Variants in GRM8 observed in about 807,000 individuals in gnomAD.
GRM8 encodes the protein metabotropic glutamate receptor 8.
GRM8 carries 47 observed loss-of-function variants against 87.2 expected under a neutral mutation model. The observed-to-expected ratio is 0.54, with a 90% CI of 0.43 to 0.69. GRM8 has a LOEUF of 0.69. Among genes scored for constraint, GRM8 ranks in the 30% least tolerant of loss-of-function variants. The probability of loss-of-function intolerance (pLI) is 0.00; values close to 1 mark genes in which losing one functional copy is unlikely to be tolerated. For synonymous variants in GRM8, 396 were observed against 404.5 expected, an observed-to-expected ratio of 0.98 and a Z score of 0.25; for missense variants, 1,019 against 1,139.2, an observed-to-expected ratio of 0.89 and a Z score of 1.52.
intron 3 of GRM8, among the ~76,000 whole-genome samples, chr7:127,069,811 C>A (rs1035973214): frequency 6.6e-6 from 1 of 152,186 alleles, no homozygotes; most frequent in Non-Finnish European, 1.5e-5. Context: ...AGTTTTGTAA[C>A]CTCTCTGAGA....
At position 126,883,964 on chromosome 7, in the gene GRM8, TAGAC is replaced by T. The variant is rs201003808; in HGVS notation, c.1156+18574_1156+18577del. 5.9e-3 allele frequency among the ~76,000 whole-genome samples: 904 copies of T among 152,232 alleles called. 8 individuals are homozygous for T. Among genetic ancestry groups the T allele is most frequent in the African/African-American group, 0.021 (864 of 41,540 alleles). ...TGTGTATTCATGAAAGAAATAAAATTAGACAGGAGACAAAACAGATAATTTAGCA... is the reference window on the plus strand; with the variant it reads ...TGTGTATTCATGAAAGAAATAAAATTAGGAGACAAAACAGATAATTTAGCA... On this transcript the variant is annotated intron_variant, in intron 6 of 10. Coordinates refer to ENST00000339582, the MANE Select transcript of GRM8 (RefSeq NM_000845.3).
At chr7:127,056,153 G>A (rs1819964098) in intron 3 of GRM8, among the ~76,000 whole-genome samples, 1 of 152,112 alleles carries the variant, frequency 6.6e-6, no homozygotes, top group Non-Finnish European at 1.5e-5. Context: ...AATTTTTGAT[G>A]ATATGTTGCT....
intron 7 of GRM8, among the ~76,000 whole-genome samples, chr7:126,658,985 A>G (rs1211647983): frequency 6.6e-6 from 1 of 152,064 alleles, no homozygotes; most frequent in East Asian, 1.9e-4. Flanking sequence ...ATATAAAGAC[A>G]AAGGCCTTGA....
intron 8 of GRM8, among the ~76,000 whole-genome samples, chr7:126,559,751 A>G (rs1461872979): frequency 6.6e-6 from 1 of 152,214 alleles, no homozygotes; most frequent in African/African-American, 2.4e-5. Context: ...TGGAACTTTC[A>G]GGAATCCACC....
intron 2 of GRM8, among the ~76,000 whole-genome samples, chr7:127,189,909 A>C (rs1794930429): frequency 6.6e-6 from 1 of 152,244 alleles, no homozygotes; most frequent in South Asian, 2.1e-4. Context: ...CGCAAAACTA[A>C]TGTATCAGAT....
intron 8 of GRM8, among the ~76,000 whole-genome samples, chr7:126,598,986 C>T (rs946004269): frequency 5.9e-5 from 9 of 152,178 alleles, no homozygotes; most frequent in African/African-American, 1.9e-4. Context: ...ACCTAGACAA[C>T]GTCCTCATCT....
chr7:126,990,023 C>CTTTA (rs988292378), intron 3 of GRM8, among the ~76,000 whole-genome samples: 2 of 152,098 alleles, frequency 1.3e-5, no homozygotes, highest in Admixed American at 6.5e-5. Context: ...GGATTAAAAC[C>CTTTA]TTAAAGAGAA....
chr7:126,520,303 T>C (rs1812790118), intron 9 of GRM8, among the ~76,000 whole-genome samples: 1 of 152,116 alleles, frequency 6.6e-6, no homozygotes, highest in South Asian at 2.1e-4. Context: ...ATAACATGAT[T>C]TGGCATGATA....
chr7:126,990,453 A>C (rs139285806), intron 3 of GRM8, among the ~76,000 whole-genome samples: 1 of 152,366 alleles, frequency 6.6e-6, no homozygotes, highest in Non-Finnish European at 1.5e-5. Context: ...AAAGCATGAA[A>C]ATGAAAAACA....
At chr7:126,988,355 A>C (rs1316078981) in intron 3 of GRM8, among the ~76,000 whole-genome samples, 1 of 152,248 alleles carries the variant, frequency 6.6e-6, no homozygotes, top group African/African-American at 2.4e-5. Flanking sequence ...CACTTAAGGC[A>C]CAATAATTTG....
intron 2 of GRM8, among the ~76,000 whole-genome samples, chr7:127,161,376 T>G (rs1000325977): frequency 6.6e-6 from 1 of 152,140 alleles, no homozygotes; most frequent in Non-Finnish European, 1.5e-5. Context: ...GCTGGAGAGA[T>G]AGAATCTTTC....
chr7:126,908,267 A>C (rs1243272553), intron 3 of GRM8, among the ~76,000 whole-genome samples: 1 of 152,294 alleles, frequency 6.6e-6, no homozygotes, highest in African/African-American at 2.4e-5. Context: ...TCTGAAAAAA[A>C]TCAGGTTTGG....
At chr7:126,582,985 A>T (rs1329834394) in intron 8 of GRM8, among the ~76,000 whole-genome samples, 1 of 152,236 alleles carries the variant, frequency 6.6e-6, no homozygotes, top group African/African-American at 2.4e-5. Context: ...TGTTGTTTTC[A>T]TGCCTGAATA....
chr7:127,106,401 C>T, intron 3 of GRM8, 95 bp downstream of exon 3: 1 of 944,842 alleles, frequency 1.1e-6, no homozygotes, highest in Non-Finnish European at 1.7e-6. Context: ...GTAGGAGTTC[C>T]AATTATTCCC....
chr7:127,105,989 T>C (rs1413075657), intron 3 of GRM8, among the ~76,000 whole-genome samples: 7 of 151,772 alleles, frequency 4.6e-5, no homozygotes, highest in African/African-American at 1.5e-4. Context: ...AGCTTCAGAG[T>C]TTTAAGAATA....
Position 126,470,960 on chromosome 7 carries a change from CA to C in GRM8, c.2431-24589del, listed in dbSNP as rs1450951903. Reference sequence around the variant, plus strand: ...TGGCCAGTGATGATGAGCATTTTTTCATGTGTTTTTTGGCTGCATAAATGTC... The same window carrying C: ...TGGCCAGTGATGATGAGCATTTTTTCTGTGTTTTTTGGCTGCATAAATGTC... On this transcript the variant is annotated intron_variant, in intron 9 of 10. Coordinates refer to ENST00000339582, the MANE Select transcript of GRM8 (RefSeq NM_000845.3). 3.3e-5 allele frequency among the ~76,000 whole-genome samples: 5 copies of C among 151,682 alleles called. No homozygotes were observed. The East Asian group carries it at 9.8e-4, about 30-fold the overall frequency.
At chr7:126,518,319 G>A (rs1305513875) in intron 9 of GRM8, among the ~76,000 whole-genome samples, 1 of 152,022 alleles carries the variant, frequency 6.6e-6, no homozygotes, top group Non-Finnish European at 1.5e-5. Context: ...CATTTTGAAT[G>A]ACAAACAAGA....
At chr7:126,664,006 G>A (rs1805497995) in intron 7 of GRM8, among the ~76,000 whole-genome samples, 1 of 152,052 alleles carries the variant, frequency 6.6e-6, no homozygotes, top group Admixed American at 6.6e-5. Flanking sequence ...TAATGCTCAA[G>A]CTGAGAGCCA....
At chr7:127,244,804 T>G (rs959786217) in intron 1 of GRM8, among the ~76,000 whole-genome samples, 1 of 152,182 alleles carries the variant, frequency 6.6e-6, no homozygotes, top group Non-Finnish European at 1.5e-5. Context: ...AAAGCTGCAT[T>G]TTTTGCACTT....
Sources: gnomAD v4.1 joint callset for allele counts (sites outside exome capture counted in the v4.1 genomes callset) on GRCh38, gnomAD v4.1.1 for gene constraint, MANE v1.5 for transcripts, NCBI Gene and HGNC (gene_info 2026-07-23, HGNC 2026-07-21) for gene names.